The following PLCE1 variants were observed in gnomAD, a reference collection of about 807,000 sequenced individuals.
PLCE1 encodes the protein 1-phosphatidylinositol 4,5-bisphosphate phosphodiesterase epsilon-1.
A neutral mutation model predicts 242.8 loss-of-function variants in PLCE1; 119 were observed. The ratio of observed to expected loss-of-function variants is 0.49; its 90% CI spans 0.42 to 0.57. The LOEUF is 0.57. PLCE1 is among the 20% of genes least tolerant of loss of function. The pLI is 0.00. For missense variants in PLCE1, 2,441 were observed against 2,788.8 expected, an observed-to-expected ratio of 0.88 and a Z score of 2.81; for synonymous variants, 945 against 1,017.4, an observed-to-expected ratio of 0.93 and a Z score of 1.35.
intron 4 of PLCE1, among the ~76,000 whole-genome samples, chr10:94,185,932 C>A (rs1309730617): frequency 1.3e-5 from 2 of 152,346 alleles, no homozygotes; most frequent in East Asian, 3.9e-4. Flanking sequence ...TTCCTTGCAG[C>A]TTCTTGCCCA....
chr10:94,307,937 C>T (rs1299165875), intron 26 of PLCE1, among the ~76,000 whole-genome samples: 2 of 152,138 alleles, frequency 1.3e-5, no homozygotes. Context: ...ATTTTTCCAT[C>T]TCTCCAACAC....
chr10:94,275,476 G>A (rs1218726809), intron 19 of PLCE1, among the ~76,000 whole-genome samples: 1 of 152,162 alleles, frequency 6.6e-6, no homozygotes, highest in African/African-American at 2.4e-5. Context: ...CAAGAACAGT[G>A]AAACCATCAC....
intron 2 of PLCE1, chr10:94,104,346 T>G (rs1346176220): frequency 6.6e-6 from 1 of 152,202 alleles, no homozygotes; most frequent in Non-Finnish European, 1.5e-5. Flanking sequence ...GCCTTCGGTG[T>G]GCATTACTCG....
intron 3 of PLCE1, among the ~76,000 whole-genome samples, chr10:94,169,739 A>G (rs1476583980): frequency 6.6e-6 from 1 of 152,224 alleles, no homozygotes; most frequent in Non-Finnish European, 1.5e-5. Context: ...AATAGGAATT[A>G]GCACCCGCCC....
intron 9 of PLCE1, 148 bp from the exon 10 acceptor site, chr10:94,254,042 G>C (rs142669725): frequency 1.4e-6 from 1 of 737,688 alleles, no homozygotes; most frequent in Non-Finnish European, 2.5e-6. Flanking sequence ...GAGAATACTC[G>C]GTCAGCCTTA....
chr10:94,179,243 T>C (rs980412380), intron 4 of PLCE1, among the ~76,000 whole-genome samples: 1 of 152,132 alleles, frequency 6.6e-6, no homozygotes. Flanking sequence ...GCATCCTAAG[T>C]GCAAGGTTAG....
intron 25 of PLCE1, 141 bp downstream of exon 25, chr10:94,304,786 A>G: frequency 7.4e-6 from 6 of 806,834 alleles, no homozygotes; most frequent in Non-Finnish European, 8.2e-6. Flanking sequence ...TAATGTATTT[A>G]TTTTCCAGGA....
intron 1 of PLCE1, among the ~76,000 whole-genome samples, chr10:94,017,148 AG>A (rs1415257697): frequency 5.3e-5 from 8 of 152,118 alleles, no homozygotes; most frequent in African/African-American, 1.9e-4. Context: ...GAAGGCTGGG[AG>A]GGGACAGGTC....
chr10:94,305,659 C>T (rs1002445067), intron 25 of PLCE1, among the ~76,000 whole-genome samples: 1 of 152,106 alleles, frequency 6.6e-6, no homozygotes, highest in Non-Finnish European at 1.5e-5. Context: ...TAGATAGAGG[C>T]GAGGGTAGTT....
intron 2 of PLCE1, among the ~76,000 whole-genome samples, chr10:94,118,927 T>A (rs1048400676): frequency 6.6e-6 from 1 of 152,168 alleles, no homozygotes; most frequent in Non-Finnish European, 1.5e-5. Context: ...TTCCCCAATA[T>A]TTTGGAACCT....
chr10:94,017,141 G>A (rs2061297801), intron 1 of PLCE1, among the ~76,000 whole-genome samples: 1 of 152,118 alleles, frequency 6.6e-6, no homozygotes, highest in South Asian at 2.1e-4. Flanking sequence ...ATGGCCTGAA[G>A]GCTGGGAGGG....
intron 1 of PLCE1, among the ~76,000 whole-genome samples, chr10:94,014,208 G>T (rs1306417188): frequency 1.3e-5 from 2 of 152,174 alleles, no homozygotes; most frequent in Admixed American, 6.5e-5. Flanking sequence ...ACAGGAGGGG[G>T]TGTCAAGAGA....
chr10:94,054,795 G>A (rs964660721), intron 2 of PLCE1, among the ~76,000 whole-genome samples: 2 of 152,064 alleles, frequency 1.3e-5, no homozygotes, highest in South Asian at 2.1e-4. Flanking sequence ...GGCGGATCAC[G>A]AGGTCAGGAG....
chr10:94,298,799 A>G lies in PLCE1; in HGVS notation c.5458+130A>G. ...CATATGTGAGAGTAAAAATATGATG[A>G]TGGAAAACAGAAGTGAATTTGATAC... On this transcript the variant is annotated intron_variant, in intron 24 of 32. Coordinates refer to ENST00000371380, the MANE Select transcript of PLCE1 (RefSeq NM_016341.4). The surrounding 1 kb of genome is among the most constrained non-coding windows in gnomAD (Gnocchi z 5.2). 1.1e-6 allele frequency: 1 copy of G among 928,484 alleles called. No individual in the cohort carries two copies. Among genetic ancestry groups the G allele is most frequent in the Non-Finnish European group, 1.7e-6 (1 of 574,252 alleles). The allele number at this position is 928,484 out of a possible 1,614,324, so 57.5% of individuals were successfully genotyped here.
chr10:94,103,065 A>G (rs1040668180), intron 2 of PLCE1, among the ~76,000 whole-genome samples: 1 of 152,202 alleles, frequency 6.6e-6, no homozygotes, highest in Non-Finnish European at 1.5e-5. Flanking sequence ...ATCACAATCT[A>G]AAGATAGATA....
intron 14 of PLCE1, among the ~76,000 whole-genome samples, chr10:94,264,107 A>C (rs1338284679): frequency 6.6e-6 from 1 of 152,200 alleles, no homozygotes; most frequent in Admixed American, 6.5e-5. Flanking sequence ...GATACGATGT[A>C]ATTTCAGGTA....
chr10:94,150,044 T>G (rs2047225761), intron 3 of PLCE1, among the ~76,000 whole-genome samples: 1 of 152,334 alleles, frequency 6.6e-6, no homozygotes, highest in South Asian at 2.1e-4. Flanking sequence ...GTGTCTTATG[T>G]GTATAAATGA....
intron 4 of PLCE1, among the ~76,000 whole-genome samples, chr10:94,179,530 T>TTTTGA (rs10636243): frequency 0.012 from 1,408 of 118,782 alleles, 78 homozygotes; most frequent in African/African-American, 0.028. Context: ...TTTTTTTTTT[T>TTTTGA]GACAGGGTCT....
At chr10:94,219,173 G>A (rs574399504) in intron 4 of PLCE1, among the ~76,000 whole-genome samples, 1 of 152,058 alleles carries the variant, frequency 6.6e-6, no homozygotes, top group South Asian at 2.1e-4. Flanking sequence ...ATACTATATA[G>A]TGGATACTCA....
Sources: allele counts gnomAD v4.1 joint callset (sites outside exome capture counted in the v4.1 genomes callset), GRCh38; gene constraint gnomAD v4.1.1; non-coding constraint Gnocchi (gnomAD v3.1); transcripts MANE v1.5; gene names NCBI Gene and HGNC (gene_info 2026-07-23, HGNC 2026-07-21).